CGN: variants seen among roughly 807,000 people sequenced by gnomAD.
CGN encodes the protein cingulin.
CGN carries 121 observed loss-of-function variants against 157.1 expected under a neutral mutation model. The observed-to-expected ratio is 0.77, with a 90% CI of 0.66 to 0.90. The LOEUF is 0.90. Ranked by LOEUF, CGN falls within the 40% of genes least tolerant of loss-of-function variation. The probability of loss-of-function intolerance (pLI) is 0.00; values close to 1 mark genes in which losing one functional copy is unlikely to be tolerated. For missense variants in CGN, 1,424 were observed against 1,520.9 expected, an observed-to-expected ratio of 0.94 and a Z score of 1.06; for synonymous variants, 535 against 607.5, an observed-to-expected ratio of 0.88 and a Z score of 1.76.
At chr1:151,525,382 C>T (rs1295385640) in intron 8 of CGN, among the ~76,000 whole-genome samples, 1 of 152,008 alleles carries the variant, frequency 6.6e-6, no homozygotes, top group Non-Finnish European at 1.5e-5. Context: ...CTGGGCAACA[C>T]AGCGAGACTC....
intron 10 of CGN, among the ~76,000 whole-genome samples, chr1:151,528,359 T>C (rs539589186): frequency 5.1e-4 from 77 of 152,178 alleles, no homozygotes; most frequent in African/African-American, 1.5e-3. Flanking sequence ...ATGGTATTTT[T>C]TTTTTTATGG....
At chr1:151,514,609 G>C (rs1664367270) in intron 1 of CGN, among the ~76,000 whole-genome samples, 1 of 152,046 alleles carries the variant, frequency 6.6e-6, no homozygotes, top group African/African-American at 2.4e-5. Context: ...GGACACAGTG[G>C]TTAGCTGCTA....
chr1:151,529,342 C>A lies in CGN; in HGVS notation c.1897-8C>A. ...GGGTGCCCCATCACCATTCCCGTTT[C>A]CTTCCAGGAGCTGCTCCGGACACAG... On this transcript the variant is annotated splice_region_variant and splice_polypyrimidine_tract_variant and intron_variant, in intron 10 of 20. Coordinates refer to ENST00000271636, the MANE Select transcript of CGN (RefSeq NM_020770.3). 6.2e-7 allele frequency: 1 copy of A among 1,612,276 alleles called. No individual in the cohort carries two copies. The highest frequency in any genetic ancestry group is 8.5e-7 in the Non-Finnish European group (1 of 1,178,760).
chr1:151,516,714 G>C lies in CGN; in HGVS notation c.-14-1792G>C, dbSNP rs908713379. On this transcript the variant is annotated intron_variant, in intron 1 of 20. Transcript: ENST00000271636. ...CCCGCTACCACGCCCGGCTGATTTT[G>C]TATTTTTAGTAGAGACAGGGTTTCA... Among the ~76,000 whole-genome samples, 4 of 151,576 alleles carry C rather than the reference G, an allele frequency of 2.6e-5. No homozygotes were observed. The South Asian group carries it at 8.3e-4, about 32-fold the overall frequency.
In CGN at chr1:151,537,691, C is replaced by A; in HGVS notation, c.*345C>A. On this transcript the variant is annotated 3_prime_UTR_variant, in exon 21 of 21. Coordinates refer to ENST00000271636, the MANE Select transcript of CGN (RefSeq NM_020770.3). ...ATTGCCATGTGTATAAAGCTTTATT[C>A]TTTAGCCCTTAACCCTAAGGCTCAG... is the stretch of plus-strand genomic sequence containing the variant. 5.2e-6 allele frequency: 1 copy of A among 190,830 alleles called. No homozygotes were observed. The highest frequency in any genetic ancestry group is 1.1e-5 in the Non-Finnish European group (1 of 91,456). The allele number at this position is 190,830 out of a possible 1,614,324, so 11.8% of individuals were successfully genotyped here.
chr1:151,529,786 A>T, intron 11 of CGN, 123 bp from the exon 12 acceptor site: 2 of 955,078 alleles, frequency 2.1e-6, no homozygotes, highest in Non-Finnish European at 3.1e-6. Flanking sequence ...TGCTCTCTTT[A>T]AGCCTCATTC....
chr1:151,530,201 G>T (rs1664802635), intron 12 of CGN, 86 bp downstream of exon 12: 1 of 1,421,294 alleles, frequency 7.0e-7, no homozygotes, highest in East Asian at 2.3e-5. Flanking sequence ...GTTTCACTTT[G>T]CCCTTAGTGT....
chr1:151,530,858 T>C (rs1209335617), intron 13 of CGN, 112 bp downstream of exon 13: 3 of 1,171,162 alleles, frequency 2.6e-6, no homozygotes, highest in Non-Finnish European at 3.6e-6. Context: ...GTGATGATTA[T>C]GGCCAGGTGC....
In CGN at chr1:151,518,254, G is replaced by A. The variant is rs185048026; in HGVS notation, c.-14-252G>A. ...GTCTCAAAGTGTGGTACCTGGACCA[G>A]TAGCATCAGTATCACCTGGGGAACT... On this transcript the variant is annotated intron_variant, in intron 1 of 20. Coordinates refer to ENST00000271636, the MANE Select transcript of CGN (RefSeq NM_020770.3). Among the ~76,000 whole-genome samples, 4 of 152,320 alleles carry A rather than the reference G, an allele frequency of 2.6e-5. No individual in the cohort carries two copies. The East Asian group carries it at 5.8e-4, about 22-fold the overall frequency.
At chr1:151,520,547 CCA>C in intron 4 of CGN, 47 bp from the exon 5 acceptor site, 1 of 1,611,486 alleles carries the variant, frequency 6.2e-7, no homozygotes, top group Non-Finnish European at 8.5e-7. Flanking sequence ...CTCAGGGGAT[CCA>C]GACTTGGACT....
In CGN at chr1:151,519,226, C is replaced by T. The variant is rs1447233625; in HGVS notation, c.707C>T (p.Thr236Ile). The change falls in exon 2 of 21, where the codon ACC (threonine) becomes ATC (isoleucine). Residue 236 changes from threonine to isoleucine, a missense_variant. This residue lies in a region of CGN where 1,187 missense variants were observed against 1,217.6 expected (regional missense o/e 0.97). Coordinates refer to ENST00000271636, the MANE Select transcript of CGN (RefSeq NM_020770.3). ...ERERQSTNHWTSSTKYDNHVG... is the reference protein window; with the variant it reads ...ERERQSTNHWISSTKYDNHVG... ...GAGCGCCAGTCCACCAACCACTGGA[C>T]CTCTAGCACAAAATATGACAACCAT... 1 of 1,614,160 alleles carries T rather than the reference C, an allele frequency of 6.2e-7. No homozygotes were observed. Among genetic ancestry groups the T allele is most frequent in the East Asian group, 2.2e-5 (1 of 44,894 alleles).
chr1:151,536,996 T>C, intron 20 of CGN, 103 bp downstream of exon 20: 1 of 1,323,984 alleles, frequency 7.6e-7, no homozygotes. Context: ...CATGGTACTG[T>C]GTAGTCACTT....
At chr1:151,526,449 ACAGGC>A (rs1664683042) in intron 9 of CGN, among the ~76,000 whole-genome samples, 1 of 150,588 alleles carries the variant, frequency 6.6e-6, no homozygotes, top group Non-Finnish European at 1.5e-5. Flanking sequence ...CGCTGGGATT[ACAGGC>A]GTGAGCCACT....
At chr1:151,516,422 A>T (rs1440756121) in intron 1 of CGN, among the ~76,000 whole-genome samples, 1 of 152,082 alleles carries the variant, frequency 6.6e-6, no homozygotes, top group Non-Finnish European at 1.5e-5. Flanking sequence ...CCTGGAATAC[A>T]TTCCATTTGC....
chr1:151,511,378 A>G (rs7551059), upstream of CGN: 150,447 of 154,848 alleles, frequency 0.97, 73,261 homozygotes, highest in East Asian at 1. This position sits in a 1 kb window ranked among gnomAD's most constrained non-coding sequence, Gnocchi z 4.8. Context: ...GGTGGGAGGG[A>G]GAGAAAGGAG....
Position 151,530,043 on chromosome 1 carries a change from GGA to G in CGN, c.2244_2245del (p.Glu748AspfsTer91). ...TCCTGGGTTTGGAGCAGCAGCTGAA[GGA>G]GACTCGAGGTCTGGTGGATGGTGGG... ...RILGLEQQLKETRGLVDGGEA... is the reference protein window; with the variant it reads ...RILGLEQQLKXTRGLVDGGEA... On this transcript the variant is annotated frameshift_variant, in exon 12 of 21. Coordinates refer to ENST00000271636, the MANE Select transcript of CGN (RefSeq NM_020770.3). LOFTEE classifies it high-confidence loss of function. 1 of 1,614,198 alleles carries G rather than the reference GGA, an allele frequency of 6.2e-7. No individual in the cohort carries two copies. The highest frequency in any genetic ancestry group is 1.1e-5 in the South Asian group (1 of 91,088).
In CGN at chr1:151,518,803, G is replaced by A. The variant is rs545428620; in HGVS notation, c.284G>A (p.Ser95Asn). The A allele has an allele frequency of 1.9e-6, 3 of 1,614,100 alleles. No individual in the cohort carries two copies. The highest frequency in any genetic ancestry group is 2.5e-6 in the Non-Finnish European group (3 of 1,179,964). Residue 95 changes from serine (S) to asparagine (N), a missense_variant, in exon 2 of 21, where the codon AGC becomes AAC. Ser to Asn is a conservative substitution (Grantham distance 46). Around this residue, in one of 3 missense-constraint regions of CGN, gnomAD observed 1,187 missense variants for 1,217.6 expected, o/e 0.97. Transcript: ENST00000271636. Reference protein sequence around the residue: ...ANDQGASGALSSDLELPENPY... With the variant: ...ANDQGASGALNSDLELPENPY... ...GACCAAGGGGCCTCAGGAGCTCTGAGCTCAGATTTGGAACTCCCTGAGAAC... is the reference window on the plus strand; with the variant it reads ...GACCAAGGGGCCTCAGGAGCTCTGAACTCAGATTTGGAACTCCCTGAGAAC...
chr1:151,518,603 T>G lies in CGN; in HGVS notation c.84T>G (p.Ser28Arg). 6.2e-7 allele frequency: 1 copy of G among 1,613,788 alleles called. No individual in the cohort carries two copies. Among genetic ancestry groups the G allele is most frequent in the East Asian group, 2.2e-5 (1 of 44,862 alleles). ...TTCGCTTCATCACAGAGCCAGTGAGTGGTGCAGAGATGGGCACTCTACGTC... is the reference window on the plus strand; with the variant it reads ...TTCGCTTCATCACAGAGCCAGTGAGGGGTGCAGAGATGGGCACTCTACGTC... ...VQIRFITEPV[S>R]GAEMGTLRRG... is the part of the protein sequence containing the mutation. Residue 28 changes from serine (S) to arginine (R), a missense_variant, in exon 2 of 21, where the codon AGT becomes AGG. Physicochemically the swap from Ser to Arg is moderately radical, Grantham distance 110. This residue lies in a region of CGN where 1,187 missense variants were observed against 1,217.6 expected (regional missense o/e 0.97). Coordinates refer to ENST00000271636, the MANE Select transcript of CGN (RefSeq NM_020770.3).
At chr1:151,517,363 G>C (rs778226424) in intron 1 of CGN, among the ~76,000 whole-genome samples, 1 of 152,108 alleles carries the variant, frequency 6.6e-6, no homozygotes, top group Non-Finnish European at 1.5e-5. Flanking sequence ...TTCCAGAAGT[G>C]GGATGATATA....
Sources: allele counts gnomAD v4.1 joint callset (sites outside exome capture counted in the v4.1 genomes callset), GRCh38; gene constraint gnomAD v4.1.1; regional missense constraint gnomAD v4.1.1; non-coding constraint Gnocchi (gnomAD v3.1); transcripts MANE v1.5; gene names NCBI Gene and HGNC (gene_info 2026-07-23, HGNC 2026-07-21).